OSBPL9: variants seen among roughly 807,000 people sequenced by gnomAD.
OSBPL9 encodes oxysterol binding protein like 9, also known as oxysterol-binding protein-related protein 9.
In OSBPL9, 40 loss-of-function variants were observed where a neutral mutation model predicts 106.6. The observed-to-expected ratio is 0.38, with a 90% CI of 0.29 to 0.49. The LOEUF is 0.49. Among genes scored for constraint, OSBPL9 ranks in the 20% least tolerant of loss-of-function variants. OSBPL9 has a pLI of 0.97. For missense variants in OSBPL9, 609 were observed against 887.2 expected (o/e 0.69, Z 3.98); for synonymous variants, 269 against 295.4 (o/e 0.91, Z 0.92).
At chr1:51,599,462 G>A (rs966050741) in intron 2 of OSBPL9, among the ~76,000 whole-genome samples, 2 of 152,110 alleles carry the variant, frequency 1.3e-5, no homozygotes, top group Non-Finnish European at 2.9e-5. Flanking sequence ...CCCTAGCACA[G>A]TGAATGTTAA....
intron 15 of OSBPL9, 61 bp downstream of exon 15, chr1:51,776,979 T>C: frequency 7.7e-7 from 1 of 1,302,718 alleles, no homozygotes; most frequent in Non-Finnish European, 1.1e-6. Flanking sequence ...GCTTTCTGCC[T>C]TTTATTTTGC....
intron 4 of OSBPL9, among the ~76,000 whole-genome samples, chr1:51,728,505 C>T (rs182984125): frequency 2.0e-5 from 3 of 152,064 alleles, no homozygotes; most frequent in African/African-American, 7.2e-5. Flanking sequence ...TTATGGTTTG[C>T]GTATTAGGGT....
chr1:51,662,996 G>A (rs1365672360), intron 2 of OSBPL9, among the ~76,000 whole-genome samples: 2 of 151,948 alleles, frequency 1.3e-5, no homozygotes, highest in African/African-American at 2.4e-5. Context: ...TGCCCGCCTT[G>A]GCCTCCCAAA....
chr1:51,711,161 C>G (rs1405319017), intron 3 of OSBPL9, among the ~76,000 whole-genome samples: 1 of 152,018 alleles, frequency 6.6e-6, no homozygotes, highest in Non-Finnish European at 1.5e-5. Flanking sequence ...CCACCTTTCC[C>G]CCCTTTCTAT....
chr1:51,752,000 C>T (rs988341149), intron 8 of OSBPL9, among the ~76,000 whole-genome samples: 1 of 152,126 alleles, frequency 6.6e-6, no homozygotes, highest in Non-Finnish European at 1.5e-5. Flanking sequence ...TGTACAAATA[C>T]AATCCTCAAT....
At chr1:51,644,363 G>A (rs1414116492) in intron 1 of OSBPL9, among the ~76,000 whole-genome samples, 8 of 152,076 alleles carry the variant, frequency 5.3e-5, no homozygotes, top group Non-Finnish European at 1.0e-4. Flanking sequence ...GTCTTGCGCT[G>A]TTGCCCAGGC....
At chr1:51,732,784 T>C (rs1269392707) in intron 4 of OSBPL9, among the ~76,000 whole-genome samples, 3 of 152,252 alleles carry the variant, frequency 2.0e-5, no homozygotes, top group African/African-American at 7.2e-5. Context: ...GCTCTTATAG[T>C]TAAGAATGTG....
chr1:51,559,884 G>T, the OSBPL9 span, among the ~76,000 whole-genome samples: 1 of 152,012 alleles, frequency 6.6e-6, no homozygotes, highest in African/African-American at 2.4e-5. Context: ...ACAATGCAAA[G>T]TGTATCCACA....
intron 1 of OSBPL9, among the ~76,000 whole-genome samples, chr1:51,618,024 G>GTGTGTGTGTGTGT (rs1553150728): frequency 1.3e-5 from 2 of 150,418 alleles, no homozygotes; most frequent in African/African-American, 2.4e-5. Context: ...GTGTGTGTGT[G>GTGTGTGTGTGTGT]GTTTTTTTTT....
intron 4 of OSBPL9, among the ~76,000 whole-genome samples, chr1:51,728,204 C>T (rs1663483305): frequency 6.6e-6 from 1 of 152,162 alleles, no homozygotes; most frequent in African/African-American, 2.4e-5. Flanking sequence ...ATCCTAAGCA[C>T]AACTCAGTGG....
At position 51,750,126 on chromosome 1, in the gene OSBPL9, C is replaced by T; in HGVS notation, c.493-19C>T. On this transcript the variant is annotated intron_variant, in intron 7 of 23. Transcript: ENST00000428468. ...TTTATTTGAGCCAAGATCCTAAAAT[C>T]AGTGTTTTGTTTTTATAGAGCATGG... 6.4e-7 allele frequency: 1 copy of T among 1,574,430 alleles called. No homozygotes were observed. The highest frequency in any genetic ancestry group is 2.3e-5 in the East Asian group (1 of 44,012).
Position 51,781,317 on chromosome 1 carries a change from T to C in OSBPL9, c.1410T>C (p.Asn470=). ...TTCAGTGTCATTGGACATTACCAAA[T>C]GATACTGAAGAGAACACAGTGAGTT... ...EIFQCHWTLP[N]DTEENTELVS... The change falls in exon 16 of 24, where the codon AAT becomes AAC. Residue 470 remains asparagine, a synonymous_variant. Coordinates refer to ENST00000428468, the MANE Select transcript of OSBPL9 (RefSeq NM_024586.6). 6.2e-7 allele frequency: 1 copy of C among 1,614,120 alleles called. No individual in the cohort carries two copies. Among genetic ancestry groups the C allele is most frequent in the Non-Finnish European group, 8.5e-7 (1 of 1,179,994 alleles).
chr1:51,615,076 A>G (rs981581899), upstream of OSBPL9, among the ~76,000 whole-genome samples: 7 of 152,184 alleles, frequency 4.6e-5, no homozygotes, highest in African/African-American at 1.7e-4. Flanking sequence ...CCTGGCCAAC[A>G]TGGTGAAACC....
intron 2 of OSBPL9, among the ~76,000 whole-genome samples, chr1:51,601,916 C>T (rs1051825781): frequency 2.0e-5 from 3 of 151,116 alleles, no homozygotes; most frequent in African/African-American, 7.3e-5. Context: ...GGTTAAGTAA[C>T]TTTGCCAAAA....
the OSBPL9 span, among the ~76,000 whole-genome samples, chr1:51,551,398 T>C: frequency 6.6e-6 from 1 of 152,208 alleles, no homozygotes. Flanking sequence ...CGTTTCCTTT[T>C]ACTTCTTGGC....
intron 4 of OSBPL9, among the ~76,000 whole-genome samples, chr1:51,714,629 T>G (rs1385589067): frequency 6.6e-6 from 1 of 152,232 alleles, no homozygotes; most frequent in Non-Finnish European, 1.5e-5. Context: ...ACGTTCCACT[T>G]TTGCATTGGC....
At chr1:51,538,990 C>G in the OSBPL9 span, among the ~76,000 whole-genome samples, 1 of 152,174 alleles carries the variant, frequency 6.6e-6, no homozygotes, top group Non-Finnish European at 1.5e-5. Flanking sequence ...CTGGACTCTT[C>G]TTGGCTCTCT....
intron 4 of OSBPL9, among the ~76,000 whole-genome samples, chr1:51,740,582 T>C (rs1257363334): frequency 2.0e-5 from 3 of 152,132 alleles, no homozygotes; most frequent in African/African-American, 7.2e-5. Flanking sequence ...ACTTCTAATA[T>C]ATTTTCTTTT....
intron 15 of OSBPL9, 95 bp from the exon 16 acceptor site, chr1:51,781,069 T>C: frequency 8.4e-7 from 1 of 1,196,026 alleles, no homozygotes; most frequent in Admixed American, 2.1e-5. Flanking sequence ...CTCAGTCCTC[T>C]CAGCCTGACT....
Sources: allele counts gnomAD v4.1 joint callset (sites outside exome capture counted in the v4.1 genomes callset), GRCh38; gene constraint gnomAD v4.1.1; transcripts MANE v1.5; gene names NCBI Gene and HGNC (gene_info 2026-07-23, HGNC 2026-07-21).